Variants in STK39 observed in about 807,000 individuals in gnomAD.
STK39 encodes the protein serine/threonine kinase 39.
STK39 carries 20 observed loss-of-function variants against 77.8 expected under a neutral mutation model. That is an observed-to-expected ratio of 0.26 (90% CI 0.18 to 0.37). The LOEUF is 0.37. Ranked by LOEUF, STK39 falls within the 10% of genes least tolerant of loss-of-function variation. The pLI, the probability that STK39 is intolerant of heterozygous loss-of-function variation, is 1.00. For synonymous variants in STK39, 246 were observed against 234.1 expected, an observed-to-expected ratio of 1.05 and a Z score of -0.47; for missense variants, 479 against 656.5, an observed-to-expected ratio of 0.73 and a Z score of 2.95.
intron 14 of STK39, among the ~76,000 whole-genome samples, chr2:168,059,593 T>C (rs551203812): frequency 6.6e-6 from 1 of 152,178 alleles, no homozygotes; most frequent in East Asian, 1.9e-4. Flanking sequence ...TAAAAAGGCT[T>C]GGGAGAGGAC....
intron 10 of STK39, among the ~76,000 whole-genome samples, chr2:168,103,176 G>T (rs1686881278): frequency 1.3e-5 from 2 of 152,142 alleles, no homozygotes; most frequent in Non-Finnish European, 2.9e-5. Flanking sequence ...GACTGCTGAT[G>T]ATGACAATTT....
chr2:168,210,026 A>G (rs1020784933), intron 1 of STK39, among the ~76,000 whole-genome samples: 1 of 64,708 alleles, frequency 1.5e-5, no homozygotes, highest in Non-Finnish European at 3.0e-5. Flanking sequence ...GAAAGAAAGG[A>G]AAGAAAGGAA....
At chr2:168,184,365 T>A (rs1689155849) in intron 1 of STK39, among the ~76,000 whole-genome samples, 1 of 152,220 alleles carries the variant, frequency 6.6e-6, no homozygotes, top group Non-Finnish European at 1.5e-5. Flanking sequence ...GACAGAATTA[T>A]GAAGCTTTGT....
intron 14 of STK39, among the ~76,000 whole-genome samples, chr2:168,021,365 A>C (rs956918211): frequency 1.3e-5 from 2 of 152,206 alleles, no homozygotes; most frequent in South Asian, 4.1e-4. Context: ...CTTTGAAAAG[A>C]TCACAGTGAT....
chr2:168,016,095 T>C (rs1684396845), intron 15 of STK39, among the ~76,000 whole-genome samples: 1 of 152,036 alleles, frequency 6.6e-6, no homozygotes, highest in Non-Finnish European at 1.5e-5. Flanking sequence ...ACCCGGCTAG[T>C]TTTTGTATTT....
Position 168,247,544 on chromosome 2 carries a change from C to CCCGCCGCCGCCACCG in STK39, c.-110_-109insCGGTGGCGGCGGCGG. On this transcript the variant is annotated 5_prime_UTR_variant, in exon 1 of 18. Coordinates refer to ENST00000355999, the MANE Select transcript of STK39 (RefSeq NM_013233.3). The stretch of plus-strand genomic sequence containing the variant: ...TCTCGGCCGGCGCACGCCCTCCCCG[C>CCCGCCGCCGCCACCG]CCGCCGCCGCCGCCGCCGTCCCCGC... The CCCGCCGCCGCCACCG allele has an allele frequency of 2.1e-6, 1 of 478,040 alleles. No homozygotes were observed. The highest frequency in any genetic ancestry group is 2.9e-6 in the Non-Finnish European group (1 of 348,370). The allele number at this position is 478,040 out of a possible 1,614,324, so 29.6% of individuals were successfully genotyped here. A position where few individuals can be genotyped will look rare whatever the true frequency, so the allele number is the denominator to read the frequency against.
chr2:167,996,257 T>C (rs1683836105), intron 16 of STK39, among the ~76,000 whole-genome samples: 1 of 152,234 alleles, frequency 6.6e-6, no homozygotes. Flanking sequence ...AATGTCTCTA[T>C]TTTCTCACAG....
At chr2:168,159,595 G>A (rs1325383967) in intron 5 of STK39, among the ~76,000 whole-genome samples, 1 of 152,152 alleles carries the variant, frequency 6.6e-6, no homozygotes, top group African/African-American at 2.4e-5. Flanking sequence ...TTTAAATACT[G>A]TATTAGTTGG....
rs186528323 is a variant in STK39 at position 168,198,854 on chromosome 2, T to C, written c.209-16764A>G. Among the ~76,000 whole-genome samples, 105 of 152,360 alleles carry C rather than the reference T, an allele frequency of 6.9e-4. 2 individuals carry two copies. Among genetic ancestry groups the C allele is most frequent in the Admixed American group, 6.0e-3 (92 of 15,302 alleles). ...AACAGTTTACTATATTTAAACATGT[T>C]TGAGTAAATTTAGAACTGTATCTAT... On this transcript the variant is annotated intron_variant, in intron 1 of 17. Transcript: ENST00000355999.
intron 10 of STK39, among the ~76,000 whole-genome samples, chr2:168,078,954 A>G (rs1473093321): frequency 6.6e-6 from 1 of 152,110 alleles, no homozygotes; most frequent in Non-Finnish European, 1.5e-5. Context: ...CCTCACGTCC[A>G]CCTATCAAGA....
At chr2:168,091,112 C>T (rs997164091) in intron 10 of STK39, among the ~76,000 whole-genome samples, 3 of 151,236 alleles carry the variant, frequency 2.0e-5, no homozygotes, top group Non-Finnish European at 4.4e-5. Context: ...CTGCAAAGGG[C>T]AGAGACTTCA....
intron 14 of STK39, among the ~76,000 whole-genome samples, chr2:168,018,541 A>AGAAAGAAG (rs1684481953): frequency 9.7e-6 from 1 of 103,260 alleles, no homozygotes; most frequent in Non-Finnish European, 2.1e-5. Context: ...AAGAAAGAAA[A>AGAAAGAAG]GAAAGAAAGA....
At chr2:168,029,492 A>C (rs1684780815) in intron 14 of STK39, among the ~76,000 whole-genome samples, 1 of 152,210 alleles carries the variant, frequency 6.6e-6, no homozygotes, top group Non-Finnish European at 1.5e-5. Context: ...TTTTTCTCCC[A>C]GGTGCTGAAG....
chr2:167,960,544 A>G (rs1221750851), intron 17 of STK39, among the ~76,000 whole-genome samples: 1 of 152,168 alleles, frequency 6.6e-6, no homozygotes, highest in Admixed American at 6.5e-5. Flanking sequence ...GAAAATGTAT[A>G]CATTATCAGG....
At chr2:168,073,909 C>T (rs1297803957) in intron 12 of STK39, among the ~76,000 whole-genome samples, 1 of 152,088 alleles carries the variant, frequency 6.6e-6, no homozygotes, top group East Asian at 1.9e-4. Context: ...TGAGCCACCG[C>T]ACCTGGCCAA....
intron 1 of STK39, among the ~76,000 whole-genome samples, chr2:168,185,217 T>G (rs531429750): frequency 1.3e-5 from 2 of 152,364 alleles, no homozygotes. Flanking sequence ...TTCTTAACAT[T>G]TTATGAATTT....
intron 4 of STK39, 58 bp from the exon 5 acceptor site, chr2:168,161,900 TTCAC>T: frequency 1.5e-6 from 2 of 1,296,018 alleles, no homozygotes. Context: ...AGTGTATTGA[TTCAC>T]TCAGGAAGAT....
chr2:168,212,432 A>G (rs1366200719), intron 1 of STK39, among the ~76,000 whole-genome samples: 3 of 152,080 alleles, frequency 2.0e-5, no homozygotes, highest in Admixed American at 6.5e-5. Context: ...ACCTCTCCAC[A>G]TTGCCTTGGC....
chr2:168,130,481 C>T (rs755080772), intron 8 of STK39, among the ~76,000 whole-genome samples: 2 of 152,156 alleles, frequency 1.3e-5, no homozygotes, highest in Non-Finnish European at 2.9e-5. Context: ...TACAGCAGCA[C>T]CTCAGAGGCA....
Sources: allele counts gnomAD v4.1 joint callset (sites outside exome capture counted in the v4.1 genomes callset), GRCh38; gene constraint gnomAD v4.1.1; transcripts MANE v1.5; gene names NCBI Gene and HGNC (gene_info 2026-07-23, HGNC 2026-07-21).